The following TTC21B variants were observed in gnomAD, a reference collection of about 807,000 sequenced individuals.
The protein encoded by TTC21B is tetratricopeptide repeat domain 21B, also known as tetratricopeptide repeat protein 21B.
In TTC21B, 127 loss-of-function variants were observed where a neutral mutation model predicts 175.1. The ratio of observed to expected loss-of-function variants is 0.73; its 90% CI spans 0.63 to 0.84. The LOEUF (loss-of-function observed/expected upper bound fraction) is 0.84, where lower values mean the gene tolerates loss of function less well. Ranked by LOEUF, TTC21B falls within the 40% of genes least tolerant of loss-of-function variation. The pLI is 0.00. For missense variants in TTC21B, 1,561 were observed against 1,558.3 expected, an observed-to-expected ratio of 1.00 and a Z score of -0.03; for synonymous variants, 524 against 524.5, an observed-to-expected ratio of 1.00 and a Z score of 0.01.
chr2:165,951,853 TG>T (rs1319833513), intron 1 of TTC21B, among the ~76,000 whole-genome samples: 2 of 152,146 alleles, frequency 1.3e-5, no homozygotes, highest in African/African-American at 2.4e-5. Context: ...TTTGGGAATG[TG>T]GGATAGCAAC....
chr2:165,920,814 A>ATATTTTGAAAT (rs1559060477), intron 12 of TTC21B, among the ~76,000 whole-genome samples: 6 of 151,878 alleles, frequency 4.0e-5, no homozygotes, highest in Non-Finnish European at 7.4e-5. Context: ...AATATTTAAA[A>ATATTTTGAAAT]ATGAGAAGTG....
intron 24 of TTC21B, among the ~76,000 whole-genome samples, chr2:165,889,926 G>A (rs540622465): frequency 1.3e-5 from 2 of 152,206 alleles, no homozygotes; most frequent in African/African-American, 4.8e-5. Context: ...TCAGAAGAGA[G>A]GACAAGCTAC....
At chr2:165,938,927 G>A (rs1333832735) in intron 6 of TTC21B, among the ~76,000 whole-genome samples, 1 of 151,984 alleles carries the variant, frequency 6.6e-6, no homozygotes, top group Non-Finnish European at 1.5e-5. Flanking sequence ...TTTGAACACT[G>A]GATAATTGAT....
At chr2:165,914,634 T>A (rs948461035) in intron 15 of TTC21B, among the ~76,000 whole-genome samples, 4 of 136,352 alleles carry the variant, frequency 2.9e-5, no homozygotes, top group Non-Finnish European at 6.5e-5. Flanking sequence ...ACCCTTCTGT[T>A]TGGGGAGAAG....
rs1054967019 is a variant in TTC21B, at chr2:165,880,542, TCTC to T, written c.3805+134_3805+136del. The T allele has an allele frequency of 1.8e-5, 17 of 925,064 alleles. No individual in the cohort carries two copies. In the African/African-American group the frequency reaches 2.7e-4, roughly 14 times the overall value. 57.3% of individuals were successfully genotyped at this position (925,064 alleles called of 1,614,324 possible). A position where few individuals can be genotyped will look rare whatever the true frequency, so the allele number is the denominator to read the frequency against. On this transcript the variant is annotated intron_variant, in intron 27 of 28. Coordinates refer to ENST00000243344, the MANE Select transcript of TTC21B (RefSeq NM_024753.5). The stretch of plus-strand genomic sequence containing the variant: ...AATATATTATGAATATAAAATTTAT[TCTC>T]CTTTCAGAAAGGTTGACAATGAAAA...
chr2:165,921,017 A>T (rs184039099), intron 12 of TTC21B, among the ~76,000 whole-genome samples: 4 of 152,262 alleles, frequency 2.6e-5, no homozygotes, highest in African/African-American at 9.6e-5. Flanking sequence ...AGGAGACTCT[A>T]ACTCTTCAAA....
intron 22 of TTC21B, 194 bp downstream of exon 22, chr2:165,898,492 T>TTA: frequency 1.6e-6 from 1 of 634,012 alleles, no homozygotes; most frequent in Non-Finnish European, 2.8e-6. Flanking sequence ...TGCTCATAAT[T>TTA]TAAAGTGAGA....
intron 27 of TTC21B, chr2:165,879,967 T>C (rs901689676): frequency 1.3e-5 from 2 of 152,602 alleles, no homozygotes; most frequent in African/African-American, 4.8e-5. Flanking sequence ...AGGGTCATGA[T>C]CTGTAAGAGG....
intron 22 of TTC21B, among the ~76,000 whole-genome samples, chr2:165,896,188 C>T (rs1472433339): frequency 6.6e-6 from 1 of 152,138 alleles, no homozygotes; most frequent in Non-Finnish European, 1.5e-5. Context: ...AACTGAAACA[C>T]AGCTCTAGGA....
intron 18 of TTC21B, among the ~76,000 whole-genome samples, chr2:165,910,147 T>G (rs1262284237): frequency 6.6e-6 from 1 of 152,160 alleles, no homozygotes; most frequent in Non-Finnish European, 1.5e-5. Flanking sequence ...CTCACGCCTG[T>G]AATCCCAGCA....
rs761606983 is a variant in TTC21B at position 165,943,275 on chromosome 2, T to G, written c.496A>C (p.Lys166Gln). Residue 166 changes from lysine (K) to glutamine (Q), a missense_variant, in exon 5 of 29, where the codon AAG becomes CAG. By Grantham distance (53) the Lys-to-Gln change is moderately conservative. Coordinates refer to ENST00000243344, the MANE Select transcript of TTC21B (RefSeq NM_024753.5). ...GKEPYTKKALKYFEEGLQDGN... is the reference protein window; with the variant it reads ...GKEPYTKKALQYFEEGLQDGN... ...TCTTGGAGTCCCTCTTCAAAATACT[T>G]CAGTGCTTTTTTAGTGTAAGGCTCT... 1.9e-6 allele frequency: 3 copies of G among 1,613,038 alleles called. No individual in the cohort carries two copies. Among genetic ancestry groups the G allele is most frequent in the Non-Finnish European group, 2.5e-6 (3 of 1,179,070 alleles).
intron 12 of TTC21B, among the ~76,000 whole-genome samples, chr2:165,921,292 T>G (rs1050274925): frequency 1.3e-5 from 2 of 152,074 alleles, no homozygotes; most frequent in Non-Finnish European, 1.5e-5. Context: ...CAATAAAAGC[T>G]AGGGACACCA....
chr2:165,933,420 C>T (rs949226992), intron 6 of TTC21B, among the ~76,000 whole-genome samples: 3 of 152,100 alleles, frequency 2.0e-5, no homozygotes, highest in Non-Finnish European at 4.4e-5. Flanking sequence ...CAGGGTCAAA[C>T]ATTACAATAC....
Position 165,927,097 on chromosome 2 carries a change from TATATATATATATATCCTAGTAG to T in TTC21B, c.1386+2016_1386+2037del, listed in dbSNP as rs1451504794. On this transcript the variant is annotated intron_variant, in intron 11 of 28. Transcript: ENST00000243344. ...ATATATATATATATCCTAGTAGATA[TATATATATATATATCCTAGTAG>T]ATATATATATATATATATCCTAGTA... Among the ~76,000 whole-genome samples the T allele has an allele frequency of 9.0e-4, 62 of 68,760 alleles. 19 individuals are homozygous for T. Among genetic ancestry groups the T allele is most frequent in the African/African-American group, 5.1e-3 (59 of 11,676 alleles). The allele number at this position is 68,760 out of a possible 152,430, so 45.1% of individuals were successfully genotyped here.
At chr2:165,945,181 C>T (rs1256908542) in intron 4 of TTC21B, among the ~76,000 whole-genome samples, 2 of 151,606 alleles carry the variant, frequency 1.3e-5, no homozygotes, top group Admixed American at 6.6e-5. Context: ...AATAATGGTA[C>T]CTTGTATCTA....
At chr2:165,887,652 A>C (rs1685050741) in intron 25 of TTC21B, among the ~76,000 whole-genome samples, 1 of 151,992 alleles carries the variant, frequency 6.6e-6, no homozygotes, top group Non-Finnish European at 1.5e-5. Flanking sequence ...GCGCCATTGC[A>C]CTCCAGCCTG....
chr2:165,911,246 T>C, intron 18 of TTC21B, 81 bp downstream of exon 18: 1 of 1,529,700 alleles, frequency 6.5e-7, no homozygotes, highest in Non-Finnish European at 9.0e-7. Context: ...ATATTGAGAA[T>C]ACAAATACAT....
In TTC21B at chr2:165,915,388, A is replaced by G; in HGVS notation, c.1951T>C (p.Ser651Pro). 6.2e-7 allele frequency: 1 copy of G among 1,614,130 alleles called. No individual in the cohort carries two copies. Among genetic ancestry groups the G allele is most frequent in the Non-Finnish European group, 8.5e-7 (1 of 1,179,996 alleles). ...GCAATGGTAACCCGCACTTCTTCAG[A>G]TGTTCCAGAAAATTCATGGATGGCA... ...QDAIHEFSGT[S>P]EEVRVTIANA... Residue 651 changes from serine to proline, a missense_variant, in exon 15 of 29, where the codon TCT becomes CCT. Transcript: ENST00000243344.
chr2:165,941,838 G>A (rs1687379736), intron 5 of TTC21B, among the ~76,000 whole-genome samples: 1 of 152,148 alleles, frequency 6.6e-6, no homozygotes, highest in South Asian at 2.1e-4. Flanking sequence ...TAAATTTGTA[G>A]ACGTAGATTT....
Sources: allele counts gnomAD v4.1 joint callset (sites outside exome capture counted in the v4.1 genomes callset), GRCh38; gene constraint gnomAD v4.1.1; transcripts MANE v1.5; gene names NCBI Gene and HGNC (gene_info 2026-07-23, HGNC 2026-07-21).